Variants in ADGRB3 observed in about 807,000 individuals in gnomAD.
ADGRB3 encodes brain-specific angiogenesis inhibitor 3.
ADGRB3 carries 37 observed loss-of-function variants against 193.4 expected under a neutral mutation model. The ratio of observed to expected loss-of-function variants is 0.19; its 90% confidence interval spans 0.15 to 0.25. The LOEUF is 0.25. ADGRB3 is among the 10% of genes least tolerant of loss of function. ADGRB3 has a pLI of 1.00. For missense variants in ADGRB3, 1,637 were observed against 1,852.9 expected (o/e 0.88, Z 2.14); for synonymous variants, 690 against 644.2 (o/e 1.07, Z -1.08).
At chr6:69,194,869 T>G (rs1001321227) in intron 17 of ADGRB3, among the ~76,000 whole-genome samples, 6 of 152,146 alleles carry the variant, frequency 3.9e-5, no homozygotes, top group African/African-American at 1.4e-4. Flanking sequence ...TCCAGGATTA[T>G]GAGACTTTCA....
At chr6:69,077,140 C>T (rs1772255383) in intron 17 of ADGRB3, among the ~76,000 whole-genome samples, 1 of 151,964 alleles carries the variant, frequency 6.6e-6, no homozygotes, top group African/African-American at 2.4e-5. Context: ...TTCCAACTTG[C>T]CCTGTTGATA....
intron 17 of ADGRB3, among the ~76,000 whole-genome samples, chr6:69,192,804 T>G (rs1582533766): frequency 1.3e-5 from 2 of 152,270 alleles, no homozygotes; most frequent in Middle Eastern, 6.8e-3. Flanking sequence ...TGCATTAAAG[T>G]AAGTGGAAGG....
intron 11 of ADGRB3, among the ~76,000 whole-genome samples, chr6:69,002,576 C>T (rs1699583306): frequency 6.6e-6 from 1 of 152,058 alleles, no homozygotes; most frequent in Non-Finnish European, 1.5e-5. Context: ...TGGATTACTC[C>T]CATGCTGATT....
At chr6:68,642,084 A>T (rs909256265) in intron 3 of ADGRB3, among the ~76,000 whole-genome samples, 1 of 152,128 alleles carries the variant, frequency 6.6e-6, no homozygotes, top group African/African-American at 2.4e-5. Context: ...TTCCTATTAA[A>T]AAAGGTTGTC....
chr6:68,910,848 C>T (rs1766683664), intron 3 of ADGRB3, among the ~76,000 whole-genome samples: 1 of 152,242 alleles, frequency 6.6e-6, no homozygotes, highest in South Asian at 2.1e-4. Context: ...GTGATGCCTC[C>T]AGCTTTGTTC....
chr6:69,205,394 CT>C (rs10715013), intron 17 of ADGRB3, among the ~76,000 whole-genome samples: 73,743 of 146,600 alleles, frequency 0.5, 19,616 homozygotes, highest in African/African-American at 0.7. Context: ...AATAAAAGAC[CT>C]TTTTTTTTTT....
At chr6:69,316,043 A>G (rs1344606860) in intron 20 of ADGRB3, among the ~76,000 whole-genome samples, 1 of 151,338 alleles carries the variant, frequency 6.6e-6, no homozygotes, top group East Asian at 1.9e-4. Context: ...ATTTTTTTAT[A>G]TAATCTTTCT....
At chr6:68,764,227 T>A (rs868418029) in intron 3 of ADGRB3, among the ~76,000 whole-genome samples, 5 of 152,142 alleles carry the variant, frequency 3.3e-5, no homozygotes, top group Non-Finnish European at 7.4e-5. Context: ...CCAGGACAAG[T>A]ACAGACAGGA....
chr6:68,826,179 C>T (rs780994019), intron 3 of ADGRB3, among the ~76,000 whole-genome samples: 1 of 151,984 alleles, frequency 6.6e-6, no homozygotes, highest in Admixed American at 6.6e-5. Context: ...GGCAAGATAA[C>T]AATTAAAAGG....
chr6:69,084,742 A>ATATC (rs1379704673), intron 17 of ADGRB3, among the ~76,000 whole-genome samples: 1 of 152,182 alleles, frequency 6.6e-6, no homozygotes, highest in African/African-American at 2.4e-5. Flanking sequence ...TAATTGCAAT[A>ATATC]TATCTCATCA....
At chr6:69,019,754 G>A (rs1770206191) in intron 13 of ADGRB3, among the ~76,000 whole-genome samples, 1 of 152,030 alleles carries the variant, frequency 6.6e-6, no homozygotes, top group South Asian at 2.1e-4. Context: ...CTCCAGAGTG[G>A]GTGTCCAGCA....
At chr6:69,133,438 C>T (rs1351166025) in intron 17 of ADGRB3, among the ~76,000 whole-genome samples, 11 of 151,600 alleles carry the variant, frequency 7.3e-5, no homozygotes, top group African/African-American at 2.7e-4. Flanking sequence ...AATCCCTGAA[C>T]AGACCAATAA....
At chr6:68,818,628 T>C (rs1422536056) in intron 3 of ADGRB3, among the ~76,000 whole-genome samples, 1 of 152,126 alleles carries the variant, frequency 6.6e-6, no homozygotes, top group Non-Finnish European at 1.5e-5. Flanking sequence ...AAAAGTTTTC[T>C]GAATCTCATT....
intron 3 of ADGRB3, among the ~76,000 whole-genome samples, chr6:68,928,717 A>C (rs1767252320): frequency 6.6e-6 from 1 of 152,158 alleles, no homozygotes; most frequent in Non-Finnish European, 1.5e-5. Flanking sequence ...TCTTTTCAGC[A>C]TTCTTTGCCT....
At chr6:69,258,817 A>G (rs889959058) in intron 20 of ADGRB3, among the ~76,000 whole-genome samples, 1 of 152,232 alleles carries the variant, frequency 6.6e-6, no homozygotes, top group African/African-American at 2.4e-5. Flanking sequence ...ACCCTCTCCA[A>G]ATCCTGTTAT....
intron 20 of ADGRB3, among the ~76,000 whole-genome samples, chr6:69,316,660 A>G (rs1768319540): frequency 6.6e-6 from 1 of 151,428 alleles, no homozygotes; most frequent in Non-Finnish European, 1.5e-5. Flanking sequence ...AAAACATCCT[A>G]TTAATTAGCT....
At chr6:69,369,534 C>CA (rs371041852) in intron 29 of ADGRB3, among the ~76,000 whole-genome samples, 15 of 151,962 alleles carry the variant, frequency 9.9e-5, no homozygotes, top group African/African-American at 3.6e-4. Context: ...CTTATCTCTA[C>CA]AAAAAATGCA....
Position 69,261,564 on chromosome 6 carries a change from C to CT in ADGRB3, c.2814+22345dup, listed in dbSNP as rs527633869. Among the ~76,000 whole-genome samples the CT allele has an allele frequency of 2.6e-3, 389 of 151,974 alleles. 4 individuals are homozygous for CT. Among genetic ancestry groups the CT allele is most frequent in the African/African-American group, 9.1e-3 (378 of 41,510 alleles). On this transcript the variant is annotated intron_variant, in intron 20 of 31. Transcript: ENST00000370598. ...AGTGTTTGATATGACATTTTTTATA[C>CT]TTTTTTTCAAAAACATTATAAAATA...
At chr6:68,790,742 G>A (rs1196919348) in intron 3 of ADGRB3, among the ~76,000 whole-genome samples, 2 of 152,024 alleles carry the variant, frequency 1.3e-5, no homozygotes, top group African/African-American at 4.8e-5. Context: ...CTGTTAGAAG[G>A]AAAACTAACA....
Sources: allele counts gnomAD v4.1 joint callset (sites outside exome capture counted in the v4.1 genomes callset), GRCh38; gene constraint gnomAD v4.1.1; transcripts MANE v1.5; gene names NCBI Gene and HGNC (gene_info 2026-07-23, HGNC 2026-07-21).